The following GBE1 variants were observed in gnomAD, a reference collection of about 807,000 sequenced individuals.
GBE1 encodes 1,4-alpha-glucan branching enzyme 1.
Under a neutral mutation model 88.8 loss-of-function variants are expected in GBE1, and 70 were observed. The observed-to-expected ratio is 0.79, with a 90% CI of 0.65 to 0.96. The LOEUF is 0.96. Ranked by LOEUF, GBE1 falls within the 40% of genes least tolerant of loss-of-function variation. The probability of loss-of-function intolerance (pLI) is 0.00; values close to 1 mark genes in which losing one functional copy is unlikely to be tolerated. For missense variants in GBE1, 872 were observed against 871.0 expected (o/e 1.00, Z -0.01); for synonymous variants, 284 against 300.1 (o/e 0.95, Z 0.56).
At chr3:81,555,075 T>C (rs1703328872) in intron 12 of GBE1, among the ~76,000 whole-genome samples, 3 of 152,214 alleles carry the variant, frequency 2.0e-5, no homozygotes. Context: ...TGGGAAACAC[T>C]GTGAACTTCT....
rs774715256 is a variant in GBE1 at position 81,761,418 on chromosome 3, T to A, written c.100A>T (p.Ile34Phe). 6.2e-7 allele frequency: 1 copy of A among 1,613,496 alleles called. No homozygotes were observed. Among genetic ancestry groups the A allele is most frequent in the Non-Finnish European group, 8.5e-7 (1 of 1,179,608 alleles). ...GCGTAGGGCTTCAAGTACGGGTCGA[T>A]CTCCAGGAGTCTGGCCAGTTCGGGC... ...DVPELARLLE[I>F]DPYLKPYAVD... is the part of the protein sequence containing the mutation. Residue 34 changes from isoleucine (I) to phenylalanine (F), a missense_variant, in exon 1 of 16, where the codon ATC (isoleucine) becomes TTC (phenylalanine). Transcript: ENST00000429644.
At chr3:81,656,898 G>A (rs1704946449) in intron 3 of GBE1, among the ~76,000 whole-genome samples, 1 of 152,104 alleles carries the variant, frequency 6.6e-6, no homozygotes, top group South Asian at 2.1e-4. Flanking sequence ...GCTCACGCTT[G>A]TAATCAAAGC....
rs1481979047 is a variant in GBE1, at chr3:81,750,537, A to G, written c.143+10838T>C. 5.7e-5 allele frequency among the ~76,000 whole-genome samples: 4 copies of G among 70,674 alleles called. 1 individual carries two copies. Among genetic ancestry groups the G allele is most frequent in the African/African-American group, 4.1e-4 (4 of 9,826 alleles). The allele number at this position is 70,674 out of a possible 152,430, so 46.4% of individuals were successfully genotyped here. On this transcript the variant is annotated intron_variant, in intron 1 of 15. Coordinates refer to ENST00000429644, the MANE Select transcript of GBE1 (RefSeq NM_000158.4). ...TCTCAAAACATTCATATATATATATACGTATATATATATGTATATATATAT... is the reference window on the plus strand; with the variant it reads ...TCTCAAAACATTCATATATATATATGCGTATATATATATGTATATATATAT...
chr3:81,561,046 G>A (rs1703409461), intron 12 of GBE1, among the ~76,000 whole-genome samples: 1 of 151,744 alleles, frequency 6.6e-6, no homozygotes, highest in South Asian at 2.1e-4. Context: ...AGATGAATCA[G>A]GTGGCAATTT....
chr3:81,705,315 A>G, intron 2 of GBE1, 129 bp downstream of exon 2: 3 of 672,796 alleles, frequency 4.5e-6, no homozygotes, highest in South Asian at 2.9e-5. Context: ...CTAAGGCTCT[A>G]TCTGAAAAGT....
At chr3:81,677,817 T>C (rs1341997870) in intron 2 of GBE1, among the ~76,000 whole-genome samples, 1 of 152,172 alleles carries the variant, frequency 6.6e-6, no homozygotes, top group South Asian at 2.1e-4. Context: ...CCCCTCCCTA[T>C]CACTATTACC....
At chr3:81,757,376 G>A (rs1488725337) in intron 1 of GBE1, among the ~76,000 whole-genome samples, 2 of 152,182 alleles carry the variant, frequency 1.3e-5, no homozygotes, top group African/African-American at 4.8e-5. Context: ...GGAGTACCAT[G>A]ATCAGATTTG....
chr3:81,683,944 G>C (rs1705395014), intron 2 of GBE1, among the ~76,000 whole-genome samples: 1 of 152,072 alleles, frequency 6.6e-6, no homozygotes, highest in African/African-American at 2.4e-5. Flanking sequence ...TAGAAATGAA[G>C]AGTCTTATTA....
At chr3:81,758,960 G>C (rs183834435) in intron 1 of GBE1, among the ~76,000 whole-genome samples, 6 of 152,322 alleles carry the variant, frequency 3.9e-5, no homozygotes, top group Admixed American at 2.6e-4. Context: ...CTGTTCTCCT[G>C]ATAGTAAGTA....
intron 14 of GBE1, among the ~76,000 whole-genome samples, chr3:81,507,722 C>T (rs1013987617): frequency 6.6e-6 from 1 of 151,122 alleles, no homozygotes; most frequent in African/African-American, 2.4e-5. Context: ...ATTAGATTAC[C>T]TTAAAATTTT....
rs1455873638 is a variant in GBE1, at chr3:81,761,585, T to G, written c.-68A>C. On this transcript the variant is annotated 5_prime_UTR_variant, in exon 1 of 16. Transcript: ENST00000429644. ...GGGGCCTGAGCGGGCGCTGGAGCTC[T>G]AGCTGGGACGCGGCGGCTAGGGCGG... 2 of 1,522,786 alleles carry G rather than the reference T, an allele frequency of 1.3e-6. No individual in the cohort carries two copies. The highest frequency in any genetic ancestry group is 1.8e-6 in the Non-Finnish European group (2 of 1,135,142). 94.3% of individuals were successfully genotyped at this position (1,522,786 alleles called of 1,614,324 possible). A position where few individuals can be genotyped will look rare whatever the true frequency, so the allele number is the denominator to read the frequency against.
chr3:81,629,854 T>C (rs1704480301), intron 7 of GBE1, among the ~76,000 whole-genome samples: 3 of 151,788 alleles, frequency 2.0e-5, no homozygotes, highest in African/African-American at 4.8e-5. Context: ...TTCCTAATGC[T>C]ATCCCTCCCG....
At chr3:81,498,985 A>G in intron 15 of GBE1, 125 bp downstream of exon 15, 1 of 654,950 alleles carries the variant, frequency 1.5e-6, no homozygotes, top group South Asian at 2.0e-5. Context: ...CCCTCTCCCT[A>G]ACCCCTTTCC....
chr3:81,620,337 C>G (rs1408697202), intron 7 of GBE1, among the ~76,000 whole-genome samples: 1 of 152,006 alleles, frequency 6.6e-6, no homozygotes, highest in Non-Finnish European at 1.5e-5. Flanking sequence ...GGCCTGCCAC[C>G]ACGCCCGGCC....
chr3:81,703,234 T>C (rs552915484), intron 2 of GBE1, among the ~76,000 whole-genome samples: 6 of 152,128 alleles, frequency 3.9e-5, no homozygotes, highest in South Asian at 2.1e-4. Context: ...TGTGTTTATG[T>C]AAAAGAAAAA....
intron 3 of GBE1, among the ~76,000 whole-genome samples, chr3:81,653,363 A>G (rs887662899): frequency 6.6e-6 from 1 of 152,096 alleles, no homozygotes; most frequent in Non-Finnish European, 1.5e-5. Context: ...ATGCATGCAT[A>G]CAGTCCTCGT....
chr3:81,749,235 G>A (rs1286712893), intron 1 of GBE1, among the ~76,000 whole-genome samples: 1 of 151,550 alleles, frequency 6.6e-6, no homozygotes, highest in Non-Finnish European at 1.5e-5. Context: ...CTGGATGGAT[G>A]GTACATCCAT....
intron 2 of GBE1, among the ~76,000 whole-genome samples, chr3:81,673,589 A>G (rs1705217830): frequency 6.6e-6 from 1 of 151,950 alleles, no homozygotes; most frequent in Admixed American, 6.6e-5. Flanking sequence ...TTCCAATATC[A>G]GTTTTTGAAA....
At chr3:81,680,555 T>C (rs550790698) in intron 2 of GBE1, among the ~76,000 whole-genome samples, 2 of 152,204 alleles carry the variant, frequency 1.3e-5, no homozygotes, top group South Asian at 4.1e-4. Flanking sequence ...CATCTATAAT[T>C]GACCAAAAAT....
Sources: allele counts gnomAD v4.1 joint callset (sites outside exome capture counted in the v4.1 genomes callset), GRCh38; gene constraint gnomAD v4.1.1; transcripts MANE v1.5; gene names NCBI Gene and HGNC (gene_info 2026-07-23, HGNC 2026-07-21).